Variants in BARX2 observed in about 807,000 individuals in gnomAD.
The protein encoded by BARX2 is homeobox protein BarH-like 2.
A neutral mutation model predicts 25.5 loss-of-function variants in BARX2; 11 were observed. The ratio of observed to expected loss-of-function variants is 0.43; its 90% CI spans 0.27 to 0.71. The LOEUF is 0.71. Among genes scored for constraint, BARX2 ranks in the 30% least tolerant of loss-of-function variants. The probability of loss-of-function intolerance (pLI) is 0.19; values close to 1 mark genes in which losing one functional copy is unlikely to be tolerated. For synonymous variants in BARX2, 137 were observed against 149.5 expected (o/e 0.92, Z 0.61); for missense variants, 360 against 359.9 (o/e 1.00, Z 0.00).
intron 1 of BARX2, among the ~76,000 whole-genome samples, chr11:129,417,306 T>C (rs888706455): frequency 6.6e-6 from 1 of 152,128 alleles, no homozygotes; most frequent in Non-Finnish European, 1.5e-5. Flanking sequence ...ATGGGAAGGG[T>C]CACTGCTCTG....
chr11:129,440,568 A>C (rs1321351307), intron 2 of BARX2, among the ~76,000 whole-genome samples: 1 of 152,194 alleles, frequency 6.6e-6, no homozygotes, highest in Non-Finnish European at 1.5e-5. Context: ...TTAGCCTGTT[A>C]ATCACTTTCA....
intron 1 of BARX2, among the ~76,000 whole-genome samples, chr11:129,391,114 T>G (rs7127988): frequency 0.84 from 127,551 of 152,088 alleles, 53,601 homozygotes; most frequent in East Asian, 0.98. Flanking sequence ...GAGGGACTCC[T>G]TGCAGTCTCC....
chr11:129,445,987 T>G (rs896133030), intron 3 of BARX2, among the ~76,000 whole-genome samples: 8 of 152,210 alleles, frequency 5.3e-5, no homozygotes, highest in African/African-American at 1.7e-4. Context: ...TAGCAGTTGA[T>G]TCTCAGACTT....
At chr11:129,439,108 A>G (rs1862226397) in intron 2 of BARX2, among the ~76,000 whole-genome samples, 1 of 152,172 alleles carries the variant, frequency 6.6e-6, no homozygotes, top group African/African-American at 2.4e-5. Flanking sequence ...TGGAGGTGAC[A>G]TGATCAGACT....
intron 2 of BARX2, among the ~76,000 whole-genome samples, chr11:129,440,595 C>G (rs993846582): frequency 6.6e-6 from 1 of 152,240 alleles, no homozygotes; most frequent in Non-Finnish European, 1.5e-5. Flanking sequence ...CTGCCAGCTT[C>G]TAGTAGCTCT....
intron 1 of BARX2, among the ~76,000 whole-genome samples, chr11:129,426,770 G>A (rs1418495846): frequency 6.6e-6 from 1 of 151,616 alleles, no homozygotes; most frequent in African/African-American, 2.4e-5. Context: ...GAGAAGGGCT[G>A]TGCCTTGGGA....
intron 2 of BARX2, among the ~76,000 whole-genome samples, chr11:129,440,696 A>G (rs1862245634): frequency 6.6e-6 from 1 of 152,224 alleles, no homozygotes; most frequent in Non-Finnish European, 1.5e-5. Context: ...TTGGGGCTTT[A>G]AATTATGCAG....
intron 1 of BARX2, among the ~76,000 whole-genome samples, chr11:129,401,649 G>A (rs1218123735): frequency 6.6e-6 from 1 of 152,118 alleles, no homozygotes. Flanking sequence ...AGAGACTTGT[G>A]ATAAGTGGAT....
intron 1 of BARX2, among the ~76,000 whole-genome samples, chr11:129,421,027 G>T (rs1476674808): frequency 6.6e-6 from 1 of 152,138 alleles, no homozygotes; most frequent in Non-Finnish European, 1.5e-5. Context: ...GTTTAACGGG[G>T]TTGTCAAGGC....
At chr11:129,380,279 A>G (rs1485353644) in intron 1 of BARX2, among the ~76,000 whole-genome samples, 4 of 152,150 alleles carry the variant, frequency 2.6e-5, no homozygotes, top group Non-Finnish European at 5.9e-5. Context: ...TGGCATCAAG[A>G]ACATTTTATC....
intron 1 of BARX2, among the ~76,000 whole-genome samples, chr11:129,418,726 C>T (rs531562106): frequency 2.0e-4 from 30 of 152,154 alleles, no homozygotes; most frequent in African/African-American, 5.1e-4. Flanking sequence ...ATGAGAATTA[C>T]GGGGGCCTAT....
intron 1 of BARX2, among the ~76,000 whole-genome samples, chr11:129,404,865 G>A (rs535940672): frequency 1.3e-5 from 2 of 152,160 alleles, no homozygotes; most frequent in East Asian, 1.9e-4. Context: ...TGTTTAGGGG[G>A]CTCTTTGATC....
intron 2 of BARX2, 144 bp from the exon 3 acceptor site, chr11:129,442,690 CG>C (rs1185696902): frequency 5.3e-6 from 4 of 754,844 alleles, no homozygotes; most frequent in Non-Finnish European, 9.5e-6. Flanking sequence ...GAAAGAAAAG[CG>C]CTTTGGGGAA....
chr11:129,398,094 T>C (rs1861740518), intron 1 of BARX2, among the ~76,000 whole-genome samples: 1 of 152,234 alleles, frequency 6.6e-6, no homozygotes, highest in Admixed American at 6.5e-5. Context: ...ATTTTTAAAA[T>C]GAACCTGTGT....
chr11:129,385,461 A>G (rs560062627), intron 1 of BARX2, among the ~76,000 whole-genome samples: 1 of 152,370 alleles, frequency 6.6e-6, no homozygotes, highest in African/African-American at 2.4e-5. Flanking sequence ...CTATGCAGCA[A>G]TTAAAATAAA....
At chr11:129,384,383 T>C (rs1282336782) in intron 1 of BARX2, among the ~76,000 whole-genome samples, 1 of 152,152 alleles carries the variant, frequency 6.6e-6, no homozygotes, top group Non-Finnish European at 1.5e-5. Context: ...TATATTTCTG[T>C]CCTGGGAAGT....
intron 1 of BARX2, among the ~76,000 whole-genome samples, chr11:129,413,158 C>T (rs531540540): frequency 2.8e-4 from 43 of 152,190 alleles, no homozygotes; most frequent in Non-Finnish European, 5.3e-4. Context: ...TCCCAGGCAC[C>T]GTGCTAAGCA....
At chr11:129,388,523 G>C (rs1565509479) in intron 1 of BARX2, among the ~76,000 whole-genome samples, 1 of 152,212 alleles carries the variant, frequency 6.6e-6, no homozygotes, top group East Asian at 1.9e-4. Context: ...CAACTAGAGA[G>C]AAAGTGCTGA....
chr11:129,378,151 T>C (rs546705902), intron 1 of BARX2, among the ~76,000 whole-genome samples: 57 of 152,308 alleles, frequency 3.7e-4, no homozygotes, highest in Middle Eastern at 6.8e-3. Context: ...CTGTTGGCAA[T>C]GGTTTTCTGG....
Sources: gnomAD v4.1 joint callset for allele counts (sites outside exome capture counted in the v4.1 genomes callset) on GRCh38, gnomAD v4.1.1 for gene constraint, MANE v1.5 for transcripts, NCBI Gene and HGNC (gene_info 2026-07-23, HGNC 2026-07-21) for gene names.